The following ACSL1 variants were observed in gnomAD, a reference collection of about 807,000 sequenced individuals.
ACSL1 encodes the protein acyl-CoA synthetase long chain family member 1, also known as long-chain-fatty-acid--CoA ligase 1.
Under a neutral mutation model 98.4 loss-of-function variants are expected in ACSL1, and 41 were observed. The observed-to-expected ratio is 0.42, with a 90% CI of 0.32 to 0.54. The LOEUF is 0.54. Ranked by LOEUF, ACSL1 falls within the 20% of genes least tolerant of loss-of-function variation. ACSL1 has a pLI of 0.13. For missense variants in ACSL1, 734 were observed against 883.1 expected, an observed-to-expected ratio of 0.83 and a Z score of 2.14; for synonymous variants, 316 against 322.7, an observed-to-expected ratio of 0.98 and a Z score of 0.22.
At chr4:184,789,766 G>T (rs1768023810) in intron 2 of ACSL1, among the ~76,000 whole-genome samples, 1 of 152,160 alleles carries the variant, frequency 6.6e-6, no homozygotes, top group African/African-American at 2.4e-5. Flanking sequence ...AATGTGAGCT[G>T]CTGAGTCCTC....
rs754221058 is a variant in ACSL1, at chr4:184,757,800, G to A, written c.1884+19C>T. On this transcript the variant is annotated intron_variant, in intron 19 of 20. Transcript: ENST00000281455. This position sits in a 1 kb window ranked among gnomAD's most constrained non-coding sequence, Gnocchi z 4.5. The stretch of plus-strand genomic sequence containing the variant: ...TGCCAAGTTATGATGAGGACAGACT[G>A]GACCCTTCAGAACCTTACCTTATTT... 1.9e-6 allele frequency: 3 copies of A among 1,612,892 alleles called. No homozygotes were observed.
chr4:184,811,307 T>C (rs1339114275), intron 1 of ACSL1, among the ~76,000 whole-genome samples: 2 of 151,512 alleles, frequency 1.3e-5, no homozygotes, highest in African/African-American at 4.9e-5. Flanking sequence ...AGAGACGGGG[T>C]TTCACCGTGT....
At chr4:184,810,092 T>C (rs1771897907) in intron 1 of ACSL1, among the ~76,000 whole-genome samples, 1 of 152,256 alleles carries the variant, frequency 6.6e-6, no homozygotes, top group African/African-American at 2.4e-5. Flanking sequence ...CACATTTATC[T>C]AACTAAACCT....
intron 1 of ACSL1, chr4:184,814,057 G>A (rs1233436208): frequency 2.3e-5 from 8 of 352,152 alleles, no homozygotes; most frequent in Non-Finnish European, 4.1e-5. Context: ...TAGAGAGGCC[G>A]AGGCGGGTGG....
intron 15 of ACSL1, 87 bp from the exon 16 acceptor site, chr4:184,763,342 C>A: frequency 2.8e-5 from 34 of 1,206,046 alleles, no homozygotes; most frequent in South Asian, 5.4e-5. Flanking sequence ...CAGGATTCCA[C>A]ATAAGAAAAA....
chr4:184,821,294 A>C, intron 1 of ACSL1: 2 of 341,878 alleles, frequency 5.9e-6, no homozygotes, highest in South Asian at 4.3e-5. Flanking sequence ...TAAAGGAATA[A>C]ATAGTATTCA....
At chr4:184,772,393 G>A (rs1483161005) in intron 10 of ACSL1, among the ~76,000 whole-genome samples, 1 of 152,130 alleles carries the variant, frequency 6.6e-6, no homozygotes, top group Non-Finnish European at 1.5e-5. Flanking sequence ...GACTGCAAAA[G>A]CCAATTATGT....
rs760950026 is a variant in ACSL1 at position 184,757,867 on chromosome 4, G to A, written c.1836C>T (p.Ala612=). ...ACGACCCTTCAAATCCTCTCTTTTGGGCCCAGGAACATAATGTCTCAACAT... is the reference window on the plus strand; with the variant it reads ...ACGACCCTTCAAATCCTCTCTTTTGAGCCCAGGAACATAATGTCTCAACAT... The part of the protein sequence containing the change: ...VPDVETLCSW[A]QKRGFEGSFE... Residue 612 remains alanine (A), a synonymous_variant, in exon 19 of 21, where the codon GCC becomes GCT. Transcript: ENST00000281455. The surrounding 1 kb of genome is among the most constrained non-coding windows in gnomAD (Gnocchi z 4.5). 28 of 1,613,824 alleles carry A rather than the reference G, an allele frequency of 1.7e-5. No individual in the cohort carries two copies. Among genetic ancestry groups the A allele is most frequent in the Non-Finnish European group, 2.3e-5 (27 of 1,180,002 alleles).
intron 3 of ACSL1, among the ~76,000 whole-genome samples, chr4:184,785,742 G>A (rs1411928357): frequency 6.6e-6 from 1 of 152,074 alleles, no homozygotes; most frequent in Non-Finnish European, 1.5e-5. Context: ...TTTCCAGGGG[G>A]AGCAAGCGAC....
Position 184,764,996 on chromosome 4 carries a change from T to C in ACSL1, c.1360-71A>G, listed in dbSNP as rs922367265. The C allele has an allele frequency of 4.0e-6, 6 of 1,483,410 alleles. No individual in the cohort carries two copies. The South Asian group carries it at 4.8e-5, about 12-fold the overall frequency. The allele number at this position is 1,483,410 out of a possible 1,614,324, so 91.9% of individuals were successfully genotyped here. ...ACCTTTACTGGAAGTGCACAAGCAA[T>C]GAAGTCTCACTAACTCCCAAGTCAT... is the stretch of plus-strand genomic sequence containing the variant. On this transcript the variant is annotated intron_variant, in intron 14 of 20. Coordinates refer to ENST00000281455, the MANE Select transcript of ACSL1 (RefSeq NM_001995.5).
chr4:184,789,931 G>T (rs144305413), intron 2 of ACSL1, among the ~76,000 whole-genome samples: 5 of 149,752 alleles, frequency 3.3e-5, no homozygotes, highest in African/African-American at 1.2e-4. Context: ...TTTTACAACA[G>T]TCTGGAAACC....
intron 7 of ACSL1, among the ~76,000 whole-genome samples, chr4:184,774,154 A>G (rs1764925734): frequency 6.6e-6 from 1 of 152,206 alleles, no homozygotes; most frequent in Admixed American, 6.5e-5. Flanking sequence ...GATGTATTAA[A>G]AAAACAGCAG....
Position 184,756,972 on chromosome 4 carries a change from T to C in ACSL1, c.*153A>G, listed in dbSNP as rs950133991. ...CTGTAAGGCAGTGTTCTCTTTCCTC[T>C]AGCATTCCTATGAGAAGAACCCCGA... On this transcript the variant is annotated 3_prime_UTR_variant, in exon 21 of 21. Transcript: ENST00000281455. 83 of 937,872 alleles carry C rather than the reference T, an allele frequency of 8.8e-5. 1 individual carries two copies. The East Asian group carries it at 1.5e-3, about 17-fold the overall frequency. The allele number at this position is 937,872 out of a possible 1,614,324, so 58.1% of individuals were successfully genotyped here.
At chr4:184,768,528 T>A (rs1240334216) in intron 11 of ACSL1, 78 bp from the exon 12 acceptor site, 1 of 1,524,400 alleles carries the variant, frequency 6.6e-7, no homozygotes, top group African/African-American at 1.4e-5. Context: ...ATCCAACATT[T>A]CAGTTTTAGC....
rs1770815629 is a variant in ACSL1 at position 184,803,214 on chromosome 4, G to A, written c.195+106C>T. The A allele has an allele frequency of 4.3e-6, 5 of 1,172,702 alleles. No individual in the cohort carries two copies. The South Asian group carries it at 8.8e-5, about 21-fold the overall frequency. The allele number at this position is 1,172,702 out of a possible 1,614,324, so 72.6% of individuals were successfully genotyped here. ...GGCACATTTCCATTTACAAAGTGCA[G>A]TTATAAACAAATATTTGATCTTGAT... On this transcript the variant is annotated intron_variant, in intron 2 of 20. Transcript: ENST00000281455. This position sits in a 1 kb window ranked among gnomAD's most constrained non-coding sequence, Gnocchi z 4.8.
intron 2 of ACSL1, among the ~76,000 whole-genome samples, chr4:184,791,032 T>C (rs952496789): frequency 1.3e-5 from 2 of 152,180 alleles, no homozygotes; most frequent in Admixed American, 6.5e-5. Flanking sequence ...AAGTACCAAG[T>C]ATGATGGTGA....
intron 1 of ACSL1, among the ~76,000 whole-genome samples, chr4:184,820,870 C>T (rs763453999): frequency 3.3e-5 from 5 of 152,156 alleles, no homozygotes; most frequent in African/African-American, 7.2e-5. Context: ...CGTGAGCCAC[C>T]GCACCTGGCC....
intron 7 of ACSL1, among the ~76,000 whole-genome samples, chr4:184,775,580 A>G (rs1334422314): frequency 6.6e-6 from 1 of 152,176 alleles, no homozygotes; most frequent in Non-Finnish European, 1.5e-5. Context: ...ACTGAGAGAG[A>G]GAGTTGGGCA....
chr4:184,810,110 T>C (rs1256687198), intron 1 of ACSL1, among the ~76,000 whole-genome samples: 4 of 152,252 alleles, frequency 2.6e-5, no homozygotes, highest in Non-Finnish European at 5.9e-5. Context: ...CCTCATACTC[T>C]ATTTATAGCT....
Sources: allele counts gnomAD v4.1 joint callset (sites outside exome capture counted in the v4.1 genomes callset), GRCh38; gene constraint gnomAD v4.1.1; non-coding constraint Gnocchi (gnomAD v3.1); transcripts MANE v1.5; gene names NCBI Gene and HGNC (gene_info 2026-07-23, HGNC 2026-07-21).